SYNCRIP: variants seen among roughly 807,000 people sequenced by gnomAD.
SYNCRIP encodes the protein synaptotagmin binding cytoplasmic RNA interacting protein.
In SYNCRIP, 9 loss-of-function variants were observed where a neutral mutation model predicts 68.9. The ratio of observed to expected loss-of-function variants is 0.13; its 90% CI spans 0.08 to 0.23. The LOEUF is 0.23. Ranked by LOEUF, SYNCRIP falls within the 10% of genes least tolerant of loss-of-function variation. The pLI is 1.00. For missense variants in SYNCRIP, 414 were observed against 770.6 expected, an observed-to-expected ratio of 0.54 and a Z score of 5.48; for synonymous variants, 258 against 254.0, an observed-to-expected ratio of 1.02 and a Z score of -0.15.
intron 2 of SYNCRIP, among the ~76,000 whole-genome samples, chr6:85,640,975 T>G (rs1809070367): frequency 6.6e-6 from 1 of 151,896 alleles, no homozygotes; most frequent in Admixed American, 6.6e-5. Flanking sequence ...GTTACCAAGT[T>G]ATTTAAGAAG....
At chr6:85,640,687 G>GA (rs76289266) in intron 2 of SYNCRIP, 123 bp from the exon 3 acceptor site, 72,854 of 365,808 alleles carry the variant, frequency 0.2, 2,653 homozygotes, top group African/African-American at 0.33. Flanking sequence ...ATCTATACCT[G>GA]AAAAAAAAAA....
chr6:85,618,793 T>G, intron 10 of SYNCRIP, 25 bp downstream of exon 10: 1 of 1,549,516 alleles, frequency 6.5e-7, no homozygotes, highest in South Asian at 1.2e-5. Context: ...TTTATACAAT[T>G]TTTAAGTATA....
chr6:85,625,065 C>T (rs886369471), intron 6 of SYNCRIP, among the ~76,000 whole-genome samples: 2 of 152,138 alleles, frequency 1.3e-5, no homozygotes, highest in Non-Finnish European at 2.9e-5. Flanking sequence ...CCCATCCTTG[C>T]TAGGTACACC....
At chr6:85,618,771 T>C in intron 10 of SYNCRIP, 47 bp downstream of exon 10, 2 of 1,480,054 alleles carry the variant, frequency 1.4e-6, no homozygotes, top group Non-Finnish European at 9.2e-7. Context: ...AATTAGTGTA[T>C]AAATATTAAA....
intron 6 of SYNCRIP, among the ~76,000 whole-genome samples, chr6:85,636,513 A>T (rs923097568): frequency 6.6e-6 from 1 of 152,192 alleles, no homozygotes; most frequent in African/African-American, 2.4e-5. Context: ...TCCTTACCTA[A>T]CATCTGGTAT....
chr6:85,626,382 C>T (rs138318954), intron 6 of SYNCRIP, among the ~76,000 whole-genome samples: 121 of 150,438 alleles, frequency 8.0e-4, no homozygotes, highest in African/African-American at 2.7e-3. Flanking sequence ...AATTAAAATA[C>T]CAGAAAAAGG....
intron 6 of SYNCRIP, among the ~76,000 whole-genome samples, chr6:85,626,367 A>G (rs1400817953): frequency 6.6e-6 from 1 of 152,156 alleles, no homozygotes; most frequent in Admixed American, 6.5e-5. Flanking sequence ...GTAATTAACA[A>G]AAACAATTAA....
chr6:85,634,364 C>T (rs757494320), intron 6 of SYNCRIP, among the ~76,000 whole-genome samples: 4 of 152,100 alleles, frequency 2.6e-5, no homozygotes, highest in East Asian at 1.9e-4. Context: ...TACATTTTGA[C>T]GGCAAGAATT....
Position 85,615,151 on chromosome 6 carries a change from C to A in SYNCRIP, c.1477G>T (p.Val493Phe). 6.2e-7 allele frequency: 1 copy of A among 1,613,766 alleles called. No individual in the cohort carries two copies. The highest frequency in any genetic ancestry group is 2.2e-5 in the East Asian group (1 of 44,884). Residue 493 changes from valine to phenylalanine, a missense_variant, in exon 11 of 11, where the codon GTT becomes TTT. Physicochemically the swap from Val to Phe is conservative, Grantham distance 50. Coordinates refer to ENST00000369622, the MANE Select transcript of SYNCRIP (RefSeq NM_006372.5). ...DPYYGYEDFQ[V>F]GARGRGGRGA... ...CTACCACCCCTTCCTCTAGCTCCAA[C>A]TTGAAAATCTTCATAACCATAGTAT...
At chr6:85,624,256 T>C (rs573227960) in intron 6 of SYNCRIP, 144 bp from the exon 7 acceptor site, 4 of 748,182 alleles carry the variant, frequency 5.3e-6, no homozygotes, top group African/African-American at 1.8e-5. Context: ...GAACAGATTA[T>C]ATTAACAAGA....
At chr6:85,631,614 A>C (rs1442936592) in intron 6 of SYNCRIP, among the ~76,000 whole-genome samples, 1 of 152,244 alleles carries the variant, frequency 6.6e-6, no homozygotes, top group African/African-American at 2.4e-5. Context: ...GAAGATAAAA[A>C]GTGTTAGATG....
chr6:85,639,105 G>A (rs972244320), intron 4 of SYNCRIP, among the ~76,000 whole-genome samples: 4 of 152,200 alleles, frequency 2.6e-5, no homozygotes, highest in African/African-American at 9.6e-5. Flanking sequence ...CTACTCGGGA[G>A]GCTGAGGCAG....
chr6:85,640,665 TCTA>T, intron 2 of SYNCRIP, 101 bp from the exon 3 acceptor site: 1 of 630,600 alleles, frequency 1.6e-6, no homozygotes, highest in South Asian at 2.8e-5. Context: ...TTACAATTCT[TCTA>T]CTCCCCTCAT....
intron 1 of SYNCRIP, among the ~76,000 whole-genome samples, chr6:85,642,235 G>T (rs1809265101): frequency 6.6e-6 from 1 of 152,038 alleles, no homozygotes; most frequent in African/African-American, 2.4e-5. Context: ...CGTCTCCGCC[G>T]TGACACATGG....
At chr6:85,632,584 G>C (rs111256277) in intron 6 of SYNCRIP, among the ~76,000 whole-genome samples, 2 of 152,262 alleles carry the variant, frequency 1.3e-5, no homozygotes, top group Non-Finnish European at 2.9e-5. Flanking sequence ...CTAAAATCTA[G>C]TTCTTTGTTG....
At chr6:85,637,449 A>G in intron 4 of SYNCRIP, 93 bp from the exon 5 acceptor site, 1 of 816,038 alleles carries the variant, frequency 1.2e-6, no homozygotes, top group Non-Finnish European at 1.9e-6. Flanking sequence ...AATCTTTCCA[A>G]TTATCTTGGC....
At chr6:85,631,884 G>T (rs1479253149) in intron 6 of SYNCRIP, among the ~76,000 whole-genome samples, 2 of 152,182 alleles carry the variant, frequency 1.3e-5, no homozygotes, top group African/African-American at 4.8e-5. Context: ...GAATTTAAAG[G>T]TGATAACGTA....
At chr6:85,611,730 C>T (rs933742830), downstream of SYNCRIP, 4 of 152,442 alleles carry the variant, frequency 2.6e-5, no homozygotes, top group Non-Finnish European at 4.4e-5. Context: ...TACAAGTTAT[C>T]ATGACCTGCA....
intron 2 of SYNCRIP, 91 bp downstream of exon 2, chr6:85,641,201 T>C (rs1045907991): frequency 1.8e-6 from 2 of 1,083,250 alleles, no homozygotes; most frequent in Admixed American, 2.1e-5. Flanking sequence ...CCCACACTTA[T>C]TGGAAACCAC....
Sources: allele counts gnomAD v4.1 joint callset (sites outside exome capture counted in the v4.1 genomes callset), GRCh38; gene constraint gnomAD v4.1.1; transcripts MANE v1.5; gene names NCBI Gene and HGNC (gene_info 2026-07-23, HGNC 2026-07-21).